The following KIF13A variants were observed in gnomAD, a reference collection of about 807,000 sequenced individuals.
KIF13A encodes the protein kinesin-like protein KIF13A.
KIF13A carries 79 observed loss-of-function variants against 212.2 expected under a neutral mutation model. The ratio of observed to expected loss-of-function variants is 0.37; its 90% confidence interval spans 0.31 to 0.45. The LOEUF is 0.45. KIF13A is among the 20% of genes least tolerant of loss of function. KIF13A has a pLI of 1.00. For synonymous variants in KIF13A, 789 were observed against 808.6 expected (o/e 0.98, Z 0.41); for missense variants, 1,901 against 2,209.0 (o/e 0.86, Z 2.79).
intron 2 of KIF13A, among the ~76,000 whole-genome samples, chr6:17,928,663 A>G (rs1477467946): frequency 6.6e-6 from 1 of 152,180 alleles, no homozygotes; most frequent in African/African-American, 2.4e-5. Flanking sequence ...GCTGTCCAAG[A>G]TAGTTTACCA....
At position 17,794,774 on chromosome 6, in the gene KIF13A, A is replaced by G; in HGVS notation, c.2943-70T>C. On this transcript the variant is annotated intron_variant, in intron 23 of 38. Coordinates refer to ENST00000259711, the MANE Select transcript of KIF13A (RefSeq NM_022113.6). The surrounding 1 kb of genome is among the most constrained non-coding windows in gnomAD (Gnocchi z 4.1). ...ATACTGTTAGTAATAGTAATAAGCC[A>G]CCATTCACTGAGCACTTACTATGTG... 6.7e-7 allele frequency: 1 copy of G among 1,488,378 alleles called. No individual in the cohort carries two copies. Among genetic ancestry groups the G allele is most frequent in the East Asian group, 2.3e-5 (1 of 44,226 alleles). 92.2% of individuals were successfully genotyped at this position (1,488,378 alleles called of 1,614,324 possible).
At position 17,785,328 on chromosome 6, in the gene KIF13A, G is replaced by C. The variant is rs141608059; in HGVS notation, c.3488+187C>G. Among the ~76,000 whole-genome samples the C allele has an allele frequency of 6.0e-3, 918 of 152,304 alleles. 6 individuals are homozygous for C. Among genetic ancestry groups the C allele is most frequent in the African/African-American group, 0.021 (860 of 41,556 alleles). On this transcript the variant is annotated intron_variant, in intron 28 of 38. Transcript: ENST00000259711. The surrounding 1 kb of genome is among the most constrained non-coding windows in gnomAD (Gnocchi z 5.8). ...AATCAATGCTCTCTCGCTTCCTGTG[G>C]GAGAAAGTTGGCTTCGGTGGGGAAG...
At chr6:17,917,235 CTTTTTTTTTT>C (rs71002284) in intron 2 of KIF13A, among the ~76,000 whole-genome samples, 1 of 79,098 alleles carries the variant, frequency 1.3e-5, no homozygotes, top group Non-Finnish European at 2.3e-5. Flanking sequence ...TTACACGATT[CTTTTTTTTTT>C]TTTTTTTTTT....
chr6:17,962,674 C>G lies in KIF13A; in HGVS notation c.146+24380G>C, dbSNP rs535289171. ...GACAACATCCACAGGCACCCGGAGGCAGCTCAACCACAGAGTACTTCTGTT... is the reference window on the plus strand; with the variant it reads ...GACAACATCCACAGGCACCCGGAGGGAGCTCAACCACAGAGTACTTCTGTT... On this transcript the variant is annotated intron_variant, in intron 2 of 38. Transcript: ENST00000259711. Among the ~76,000 whole-genome samples the G allele has an allele frequency of 1.1e-4, 17 of 152,296 alleles. No homozygotes were observed. In the South Asian group the frequency reaches 2.3e-3, roughly 20 times the overall value.
At chr6:17,810,087 A>C (rs1763304676) in intron 17 of KIF13A, among the ~76,000 whole-genome samples, 1 of 152,004 alleles carries the variant, frequency 6.6e-6, no homozygotes, top group Non-Finnish European at 1.5e-5. Context: ...AAAAGGTGAT[A>C]CCATTTTTCC....
At chr6:17,864,351 G>A (rs1769148694) in intron 4 of KIF13A, among the ~76,000 whole-genome samples, 1 of 152,304 alleles carries the variant, frequency 6.6e-6, no homozygotes, top group East Asian at 1.9e-4. Context: ...ATAATCATGT[G>A]AACAAGTCTT....
chr6:17,787,948 G>GAAAGA lies in KIF13A; in HGVS notation c.3262-74_3262-73insTCTTT. 1.1e-6 allele frequency: 1 copy of GAAAGA among 889,388 alleles called. No homozygotes were observed. Among genetic ancestry groups the GAAAGA allele is most frequent in the Non-Finnish European group, 1.8e-6 (1 of 545,306 alleles). The allele number at this position is 889,388 out of a possible 1,614,324, so 55.1% of individuals were successfully genotyped here. On this transcript the variant is annotated intron_variant, in intron 26 of 38. Coordinates refer to ENST00000259711, the MANE Select transcript of KIF13A (RefSeq NM_022113.6). This position sits in a 1 kb window ranked among gnomAD's most constrained non-coding sequence, Gnocchi z 4.6. Reference sequence around the variant, plus strand: ...GATTTCTTTCTTTCTTTTTTTAAAAGATGTTTAAATCAACTAGGAAATTTT... The same window carrying GAAAGA: ...GATTTCTTTCTTTCTTTTTTTAAAAGAAAGAATGTTTAAATCAACTAGGAAATTTT...
rs1341444344 is a variant in KIF13A, at chr6:17,885,887, G to T, written c.159+12281C>A. On this transcript the variant is annotated intron_variant, in intron 3 of 38. Transcript: ENST00000259711. ...TCCGCTTCACTGGTGGCTGAGGAGTGGGGGTCGGAGTGTCACAAATGCACA... is the reference window on the plus strand; with the variant it reads ...TCCGCTTCACTGGTGGCTGAGGAGTTGGGGTCGGAGTGTCACAAATGCACA... 2.0e-5 allele frequency among the ~76,000 whole-genome samples: 3 copies of T among 152,164 alleles called. No individual in the cohort carries two copies. The South Asian group carries it at 6.2e-4, about 32-fold the overall frequency.
At chr6:17,972,655 C>T (rs1779907625) in intron 2 of KIF13A, among the ~76,000 whole-genome samples, 1 of 152,054 alleles carries the variant, frequency 6.6e-6, no homozygotes, top group Non-Finnish European at 1.5e-5. Flanking sequence ...CGTCGTTTTG[C>T]GCTTTCTGGT....
At chr6:17,844,978 T>C (rs1027640223) in intron 9 of KIF13A, among the ~76,000 whole-genome samples, 7 of 152,186 alleles carry the variant, frequency 4.6e-5, no homozygotes, top group Admixed American at 3.9e-4. Flanking sequence ...TAGTCCATTT[T>C]CATGCTGCTG....
chr6:17,857,112 A>G (rs773334720), intron 4 of KIF13A, among the ~76,000 whole-genome samples: 6 of 151,132 alleles, frequency 4.0e-5, no homozygotes, highest in Non-Finnish European at 7.4e-5. Context: ...GTAACACAAC[A>G]TGAGCTTTTG....
chr6:17,781,409 AT>A, intron 29 of KIF13A, 108 bp from the exon 30 acceptor site: 1 of 1,200,094 alleles, frequency 8.3e-7, no homozygotes, highest in Non-Finnish European at 1.1e-6. Context: ...CACATAACAC[AT>A]TTTTCTTTTT....
At chr6:17,765,111 T>C (rs958471826) in intron 38 of KIF13A, among the ~76,000 whole-genome samples, 165 bp from the exon 39 acceptor site, 1 of 152,246 alleles carries the variant, frequency 6.6e-6, no homozygotes, top group Non-Finnish European at 1.5e-5. Context: ...ATTGTAGATA[T>C]AGGTGTATCA....
intron 4 of KIF13A, among the ~76,000 whole-genome samples, chr6:17,864,230 T>TGTTA (rs1401223465): frequency 6.6e-6 from 1 of 152,196 alleles, no homozygotes; most frequent in Non-Finnish European, 1.5e-5. Context: ...ACTCTGCAGA[T>TGTTA]GTTAGCTCCA....
At chr6:17,882,131 T>G (rs1771130125) in intron 3 of KIF13A, 1 of 452,134 alleles carries the variant, frequency 2.2e-6, no homozygotes, top group Non-Finnish European at 4.5e-6. Context: ...AACTGCATTA[T>G]CTCTGTATCC....
At chr6:17,910,260 G>T (rs1226926343) in intron 2 of KIF13A, among the ~76,000 whole-genome samples, 2 of 152,238 alleles carry the variant, frequency 1.3e-5, no homozygotes, top group African/African-American at 4.8e-5. Flanking sequence ...TCGCTAGCTA[G>T]AGAACATAGA....
chr6:17,878,775 A>G (rs1394148651), intron 3 of KIF13A, among the ~76,000 whole-genome samples: 1 of 152,214 alleles, frequency 6.6e-6, no homozygotes, highest in Non-Finnish European at 1.5e-5. Context: ...TTTTGCCAAT[A>G]AAAGGGCACG....
chr6:17,964,732 G>A (rs942265259), intron 2 of KIF13A, among the ~76,000 whole-genome samples: 4 of 151,704 alleles, frequency 2.6e-5, no homozygotes, highest in Non-Finnish European at 5.9e-5. Flanking sequence ...ATTTTTCATG[G>A]GCTTAGGTCA....
chr6:17,920,102 T>C (rs1182439562), intron 2 of KIF13A, among the ~76,000 whole-genome samples: 1 of 152,202 alleles, frequency 6.6e-6, no homozygotes, highest in Admixed American at 6.5e-5. Flanking sequence ...ACATGTAGTT[T>C]TCGTCCCAGT....
Sources: gnomAD v4.1 joint callset for allele counts (sites outside exome capture counted in the v4.1 genomes callset) on GRCh38, gnomAD v4.1.1 for gene constraint, Gnocchi (gnomAD v3.1) non-coding constraint, MANE v1.5 for transcripts, NCBI Gene and HGNC (gene_info 2026-07-23, HGNC 2026-07-21) for gene names.